The following NCKAP1 variants were observed in gnomAD, a reference collection of about 807,000 sequenced individuals.
The protein encoded by NCKAP1 is nck-associated protein 1.
A neutral mutation model predicts 151.2 loss-of-function variants in NCKAP1; 21 were observed. That is an observed-to-expected ratio of 0.14 (90% CI 0.10 to 0.20). The LOEUF is 0.20. Ranked by LOEUF, NCKAP1 falls within the 10% of genes least tolerant of loss-of-function variation. NCKAP1 has a pLI of 1.00. For synonymous variants in NCKAP1, 484 were observed against 451.8 expected (o/e 1.07, Z -0.90); for missense variants, 933 against 1,352.1 (o/e 0.69, Z 4.86).
rs1696838192 is a variant in NCKAP1 at position 182,934,735 on chromosome 2, ATAAAT to A, written c.2859+12_2859+16del. 4.8e-6 allele frequency: 6 copies of A among 1,251,734 alleles called. No individual in the cohort carries two copies. The highest frequency in any genetic ancestry group is 1.9e-4 in the Middle Eastern group (1 of 5,358). The allele number at this position is 1,251,734 out of a possible 1,614,324, so 77.5% of individuals were successfully genotyped here. A position where few individuals can be genotyped will look rare whatever the true frequency, so the allele number is the denominator to read the frequency against. ...GCTTTAGAGACTGTAAACCCCAACT[ATAAAT>A]TATATTATTACCTTCATATCAGTTT... On this transcript the variant is annotated intron_variant, in intron 26 of 30. Transcript: ENST00000361354.
rs1222657456 is a variant in NCKAP1 at position 182,957,486 on chromosome 2, G to A, written c.1992C>T (p.Ser664=). ...TCACAACCAGCCTGTTTTTCCTCAT[G>A]CTCTCAACACCTGGTTTCTCCCTTT... The part of the protein sequence containing the change: ...EPEREKPGVE[S]MRKNRLVVTN... The change falls in exon 19 of 31, where the codon AGC becomes AGT. Residue 664 remains serine, a synonymous_variant. Transcript: ENST00000361354. 6.2e-7 allele frequency: 1 copy of A among 1,613,608 alleles called. No individual in the cohort carries two copies. Among genetic ancestry groups the A allele is most frequent in the Admixed American group, 1.7e-5 (1 of 59,954 alleles).
chr2:183,018,565 T>C (rs1035975307), intron 2 of NCKAP1, among the ~76,000 whole-genome samples: 1 of 152,214 alleles, frequency 6.6e-6, no homozygotes, highest in Non-Finnish European at 1.5e-5. Flanking sequence ...AACACATTTA[T>C]GTTTTTAGGA....
At chr2:182,996,904 T>C (rs1272670684) in intron 6 of NCKAP1, among the ~76,000 whole-genome samples, 1 of 152,226 alleles carries the variant, frequency 6.6e-6, no homozygotes, top group Non-Finnish European at 1.5e-5. Flanking sequence ...CTACACAAAG[T>C]GATTCTGACG....
Position 182,917,478 on chromosome 2 carries a change from C to T in NCKAP1, c.*8224G>A, listed in dbSNP as rs918490999. 2.0e-5 allele frequency: 3 copies of T among 152,200 alleles called. No homozygotes were observed. Among genetic ancestry groups the T allele is most frequent in the Non-Finnish European group, 4.4e-5 (3 of 68,028 alleles). 9.4% of individuals were successfully genotyped at this position (152,200 alleles called of 1,614,324 possible). ...AGGTTGAACCAGATAATCTCTAAGGCTCTTCCAGCTACAAATGACTAAAAT... is the reference window on the plus strand; with the variant it reads ...AGGTTGAACCAGATAATCTCTAAGGTTCTTCCAGCTACAAATGACTAAAAT... On this transcript the variant is annotated 3_prime_UTR_variant, in exon 31 of 31. Transcript: ENST00000361354.
rs1382696767 is a variant in NCKAP1 at position 182,960,331 on chromosome 2, A to C, written c.1881+1828T>G. On this transcript the variant is annotated intron_variant, in intron 18 of 30. Coordinates refer to ENST00000361354, the MANE Select transcript of NCKAP1 (RefSeq NM_013436.5). ...GCATCACGCTACCTGACTTCAAACT[A>C]TATTACAAGGCTACAGTAACCAAAA... Among the ~76,000 whole-genome samples the C allele has an allele frequency of 5.9e-5, 9 of 152,344 alleles. No individual in the cohort carries two copies. In the East Asian group the frequency reaches 1.7e-3, roughly 29 times the overall value.
Position 182,953,118 on chromosome 2 carries a change from T to G in NCKAP1, c.2367A>C (p.Thr789=). 6.2e-7 allele frequency: 1 copy of G among 1,600,334 alleles called. No homozygotes were observed. Among genetic ancestry groups the G allele is most frequent in the East Asian group, 2.2e-5 (1 of 44,728 alleles). The change falls in exon 21 of 31, where the codon ACA becomes ACC. Residue 789 remains threonine, a synonymous_variant. Transcript: ENST00000361354. The part of the protein sequence containing the change: ...HGEPTITSLY[T]NWYLETLLRQ... Reference sequence around the variant, plus strand: ...TTTCTAAATGCATTCCTTACCAATTTGTGTATAGACTTGTAATGGTTGGCT... The same window carrying G: ...TTTCTAAATGCATTCCTTACCAATTGGTGTATAGACTTGTAATGGTTGGCT...
intron 8 of NCKAP1, among the ~76,000 whole-genome samples, chr2:182,989,487 A>G (rs1698124345): frequency 6.6e-6 from 1 of 152,226 alleles, no homozygotes; most frequent in African/African-American, 2.4e-5. Flanking sequence ...TTTCAACCAA[A>G]GATCAGAAAT....
In NCKAP1 at chr2:182,918,275, T is replaced by A. The variant is rs1325440166; in HGVS notation, c.*7427A>T. ...TCATTGTTATTTTTTTTGTCCCTCA[T>A]TGTTAATGTAAAGCAGTTTCAAATG... On this transcript the variant is annotated 3_prime_UTR_variant, in exon 31 of 31. Transcript: ENST00000361354. 4 of 152,170 alleles carry A rather than the reference T, an allele frequency of 2.6e-5. No homozygotes were observed. The highest frequency in any genetic ancestry group is 9.7e-5 in the African/African-American group (4 of 41,442). 9.4% of individuals were successfully genotyped at this position (152,170 alleles called of 1,614,324 possible).
chr2:182,956,798 C>T, intron 19 of NCKAP1: 1 of 484,032 alleles, frequency 2.1e-6, no homozygotes, highest in Non-Finnish European at 3.5e-6. Context: ...TTTGTTTCTA[C>T]CTTTAGGTAG....
chr2:183,031,197 A>C (rs1019124020), intron 1 of NCKAP1, among the ~76,000 whole-genome samples: 12 of 152,142 alleles, frequency 7.9e-5, no homozygotes, highest in African/African-American at 2.9e-4. Flanking sequence ...ACTTCAACCC[A>C]TTATACACTT....
chr2:182,983,907 T>C (rs546426136), intron 10 of NCKAP1, among the ~76,000 whole-genome samples: 2 of 152,070 alleles, frequency 1.3e-5, no homozygotes, highest in East Asian at 3.9e-4. Flanking sequence ...GGTGGGTGCC[T>C]GTAATCCCAG....
intron 6 of NCKAP1, among the ~76,000 whole-genome samples, chr2:183,000,990 G>C (rs939761079): frequency 3.9e-5 from 6 of 152,178 alleles, no homozygotes; most frequent in African/African-American, 1.2e-4. Flanking sequence ...AGCTACTCTC[G>C]AGGCAGGGGC....
intron 24 of NCKAP1, among the ~76,000 whole-genome samples, chr2:182,940,447 T>C (rs895792974): frequency 6.6e-6 from 1 of 152,196 alleles, no homozygotes; most frequent in African/African-American, 2.4e-5. Flanking sequence ...GCTCCATTTT[T>C]TTTTTCTTTG....
intron 15 of NCKAP1, among the ~76,000 whole-genome samples, chr2:182,975,045 G>A (rs1372929202): frequency 6.6e-6 from 1 of 152,124 alleles, no homozygotes; most frequent in Non-Finnish European, 1.5e-5. Flanking sequence ...CCAAGTATTG[G>A]TTTAGGCACT....
At chr2:182,964,337 T>C (rs777984180) in intron 17 of NCKAP1, among the ~76,000 whole-genome samples, 14 of 152,144 alleles carry the variant, frequency 9.2e-5, no homozygotes, top group Non-Finnish European at 1.6e-4. Context: ...ATAAATTTAA[T>C]TTTCGAGTCC....
rs1273783318 is a variant in NCKAP1 at position 182,965,290 on chromosome 2, T to C, written c.1629-482A>G. On this transcript the variant is annotated intron_variant, in intron 16 of 30. Coordinates refer to ENST00000361354, the MANE Select transcript of NCKAP1 (RefSeq NM_013436.5). Reference sequence around the variant, plus strand: ...ATGAACCACTAAGAAAAAAAAAACATTGCCAATTAAATAATCACACGCCAT... The same window carrying C: ...ATGAACCACTAAGAAAAAAAAAACACTGCCAATTAAATAATCACACGCCAT... Among the ~76,000 whole-genome samples the C allele has an allele frequency of 6.0e-5, 9 of 148,914 alleles. No homozygotes were observed. In the South Asian group the frequency reaches 1.7e-3, roughly 28 times the overall value.
intron 23 of NCKAP1, among the ~76,000 whole-genome samples, chr2:182,944,918 A>AC (rs1022091849): frequency 1.1e-4 from 16 of 152,192 alleles, no homozygotes; most frequent in Admixed American, 3.9e-4. Flanking sequence ...CCTGGGCAAC[A>AC]CAGCAATATT....
chr2:182,929,808 C>T (rs1470961552), intron 27 of NCKAP1, among the ~76,000 whole-genome samples: 1 of 150,000 alleles, frequency 6.7e-6, no homozygotes, highest in Non-Finnish European at 1.5e-5. Context: ...GCTGCTGCCT[C>T]AAGGAGGCAG....
rs538481859 is a variant in NCKAP1, at chr2:182,957,746, C to T, written c.1882-150G>A. ...AAATATAAGTGAGATACAGAGCTTA[C>T]TTAGCTAGCTTGGGTAATGCACATA... On this transcript the variant is annotated intron_variant, in intron 18 of 30. Transcript: ENST00000361354. 8.3e-6 allele frequency: 7 copies of T among 839,442 alleles called. No individual in the cohort carries two copies. The East Asian group carries it at 1.7e-4, about 21-fold the overall frequency. 52.0% of individuals were successfully genotyped at this position (839,442 alleles called of 1,614,324 possible).
Sources: gnomAD v4.1 joint callset for allele counts (sites outside exome capture counted in the v4.1 genomes callset) on GRCh38, gnomAD v4.1.1 for gene constraint, MANE v1.5 for transcripts, NCBI Gene and HGNC (gene_info 2026-07-23, HGNC 2026-07-21) for gene names.